Variants in EPHB2 observed in about 807,000 individuals in gnomAD.
The protein encoded by EPHB2 is EPH receptor B2, also known as ephrin type-B receptor 2.
EPHB2 carries 18 observed loss-of-function variants against 96.4 expected under a neutral mutation model. That is an observed-to-expected ratio of 0.19 (90% confidence interval 0.13 to 0.28). The LOEUF (loss-of-function observed/expected upper bound fraction) is 0.28, where lower values mean the gene tolerates loss of function less well. EPHB2 is among the 10% of genes least tolerant of loss of function. The pLI is 1.00. For synonymous variants in EPHB2, 506 were observed against 534.1 expected, an observed-to-expected ratio of 0.95 and a Z score of 0.72; for missense variants, 989 against 1,355.4, an observed-to-expected ratio of 0.73 and a Z score of 4.25.
chr1:22,907,287 G>A (rs1309915926), intron 11 of EPHB2, among the ~76,000 whole-genome samples: 9 of 152,272 alleles, frequency 5.9e-5, no homozygotes, highest in Admixed American at 1.3e-4. Flanking sequence ...AGGAGAAAAC[G>A]GGCTCAAAGA....
At position 22,851,933 on chromosome 1, in the gene EPHB2, TG is replaced by T. The variant is rs534806156; in HGVS notation, c.812-11103del. Reference sequence around the variant, plus strand: ...AGGTTGACCCACTCCCCTTTCTCAGTGCCCTGAGCACTTTTACAGACCACAC... The same window carrying T: ...AGGTTGACCCACTCCCCTTTCTCAGTCCCTGAGCACTTTTACAGACCACAC... On this transcript the variant is annotated intron_variant, in intron 3 of 15. Transcript: ENST00000374630. 4.6e-5 allele frequency among the ~76,000 whole-genome samples: 7 copies of T among 152,326 alleles called. No individual in the cohort carries two copies. In the South Asian group the frequency reaches 1.4e-3, roughly 32 times the overall value.
At chr1:22,814,330 G>A (rs1051609223) in intron 3 of EPHB2, among the ~76,000 whole-genome samples, 7 of 152,166 alleles carry the variant, frequency 4.6e-5, no homozygotes, top group East Asian at 1.9e-4. Flanking sequence ...GAGAAACAAC[G>A]AAGAGGCCAT....
chr1:22,781,407 T>C lies in EPHB2; in HGVS notation c.62-14T>C. Reference sequence around the variant, plus strand: ...TAGGTGGGGCGGGGTGGTGACTCTTTGCTCTCCCCACAGAAACGCTAATGG... The same window carrying C: ...TAGGTGGGGCGGGGTGGTGACTCTTCGCTCTCCCCACAGAAACGCTAATGG... On this transcript the variant is annotated splice_polypyrimidine_tract_variant and intron_variant, in intron 1 of 15. Coordinates refer to ENST00000374630, the MANE Select transcript of EPHB2 (RefSeq NM_017449.5). 1.9e-6 allele frequency: 3 copies of C among 1,613,548 alleles called. No individual in the cohort carries two copies. Among genetic ancestry groups the C allele is most frequent in the South Asian group, 1.1e-5 (1 of 91,044 alleles).
intron 1 of EPHB2, among the ~76,000 whole-genome samples, chr1:22,766,937 T>C (rs1644315528): frequency 6.6e-6 from 1 of 152,242 alleles, no homozygotes; most frequent in Non-Finnish European, 1.5e-5. Context: ...AGCTGTGGCC[T>C]GTGGTCCTGT....
At chr1:22,738,954 T>A (rs568230147) in intron 1 of EPHB2, among the ~76,000 whole-genome samples, 7 of 152,310 alleles carry the variant, frequency 4.6e-5, no homozygotes, top group African/African-American at 1.4e-4. Context: ...GCTAGTATGC[T>A]CACTCCCAAG....
intron 3 of EPHB2, among the ~76,000 whole-genome samples, chr1:22,853,023 G>T (rs573419519): frequency 6.6e-6 from 1 of 152,352 alleles, no homozygotes; most frequent in African/African-American, 2.4e-5. Context: ...AAAATCTCCA[G>T]TCCACACACA....
At chr1:22,912,942 C>T (rs997738098) in intron 15 of EPHB2, 6 of 377,540 alleles carry the variant, frequency 1.6e-5, no homozygotes, top group Non-Finnish European at 3.1e-5. Flanking sequence ...TGCCTGTAAT[C>T]TTAGTACATT....
At position 22,914,085 on chromosome 1, in the gene EPHB2, C is replaced by T. The variant is rs1640201753; in HGVS notation, c.*515C>T. On this transcript the variant is annotated 3_prime_UTR_variant, in exon 16 of 16. Transcript: ENST00000374630. Reference sequence around the variant, plus strand: ...GCGCCTGGAGGACGGGACAGATGGACAGACAGCCACCCTGAGAACCCCTCT... The same window carrying T: ...GCGCCTGGAGGACGGGACAGATGGATAGACAGCCACCCTGAGAACCCCTCT... 3.5e-6 allele frequency: 2 copies of T among 574,556 alleles called. No individual in the cohort carries two copies. The highest frequency in any genetic ancestry group is 3.8e-5 in the African/African-American group (2 of 53,162). 35.6% of individuals were successfully genotyped at this position (574,556 alleles called of 1,614,324 possible). A position where few individuals can be genotyped will look rare whatever the true frequency, so the allele number is the denominator to read the frequency against.
intron 1 of EPHB2, among the ~76,000 whole-genome samples, chr1:22,780,904 G>C (rs1285179861): frequency 1.3e-5 from 2 of 152,062 alleles, no homozygotes; most frequent in Non-Finnish European, 2.9e-5. Context: ...AGGCTGTGGG[G>C]GTAGGCGGGA....
chr1:22,802,638 C>T lies in EPHB2; in HGVS notation c.811+17562C>T, dbSNP rs145296138. 2.1e-3 allele frequency among the ~76,000 whole-genome samples: 320 copies of T among 152,212 alleles called. 1 individual carries two copies. Among genetic ancestry groups the T allele is most frequent in the African/African-American group, 6.9e-3 (288 of 41,518 alleles). ...AGTCCGTAGCAGAGATGTCTCATCC[C>T]CCTGTCCACCCGCACCACCCAGCCC... On this transcript the variant is annotated intron_variant, in intron 3 of 15. Coordinates refer to ENST00000374630, the MANE Select transcript of EPHB2 (RefSeq NM_017449.5).
intron 5 of EPHB2, among the ~76,000 whole-genome samples, chr1:22,866,060 A>T (rs1034338051): frequency 6.6e-6 from 1 of 151,984 alleles, no homozygotes; most frequent in Non-Finnish European, 1.5e-5. Flanking sequence ...CACTGTCCTC[A>T]GTGTCATAGG....
intron 1 of EPHB2, among the ~76,000 whole-genome samples, chr1:22,714,619 C>T (rs982342159): frequency 6.6e-6 from 1 of 152,078 alleles, no homozygotes; most frequent in Non-Finnish European, 1.5e-5. Flanking sequence ...CTGAGGGCAG[C>T]AGGGAGCCCT....
intron 3 of EPHB2, among the ~76,000 whole-genome samples, chr1:22,833,657 C>T (rs1243395973): frequency 4.6e-5 from 7 of 152,072 alleles, no homozygotes; most frequent in Non-Finnish European, 1.0e-4. Flanking sequence ...ACAGCAAATA[C>T]AATCAATTCC....
chr1:22,736,305 C>T (rs1643825957), intron 1 of EPHB2, among the ~76,000 whole-genome samples: 1 of 152,128 alleles, frequency 6.6e-6, no homozygotes. Context: ...CGTTTGGGGA[C>T]AAGGCGGCCC....
chr1:22,756,245 T>C (rs1313470642), intron 1 of EPHB2, among the ~76,000 whole-genome samples: 1 of 151,668 alleles, frequency 6.6e-6, no homozygotes, highest in African/African-American at 2.4e-5. Context: ...GGGAGTGACA[T>C]GATAAAGGGG....
At chr1:22,870,853 G>A (rs578046439) in intron 5 of EPHB2, among the ~76,000 whole-genome samples, 1 of 152,322 alleles carries the variant, frequency 6.6e-6, no homozygotes, top group South Asian at 2.1e-4. Context: ...CCTTGGACAA[G>A]TCACTCAGCT....
chr1:22,856,920 C>T (rs1645708195), intron 3 of EPHB2, among the ~76,000 whole-genome samples: 2 of 152,192 alleles, frequency 1.3e-5, no homozygotes, highest in South Asian at 4.1e-4. Context: ...CACAGCCCCT[C>T]CCCTCAAGTC....
At chr1:22,908,210 A>T (rs1639978985) in intron 12 of EPHB2, 42 bp downstream of exon 12, 1 of 1,610,274 alleles carries the variant, frequency 6.2e-7, no homozygotes, top group East Asian at 2.2e-5. Flanking sequence ...AGAGCCAGAG[A>T]AGAGGGCATG....
At chr1:22,856,542 G>A (rs1213506880) in intron 3 of EPHB2, among the ~76,000 whole-genome samples, 1 of 152,186 alleles carries the variant, frequency 6.6e-6, no homozygotes, top group African/African-American at 2.4e-5. Flanking sequence ...GTGTCCAGCT[G>A]TGACACTCAC....
Sources: allele counts gnomAD v4.1 joint callset (sites outside exome capture counted in the v4.1 genomes callset), GRCh38; gene constraint gnomAD v4.1.1; transcripts MANE v1.5; gene names NCBI Gene and HGNC (gene_info 2026-07-23, HGNC 2026-07-21).